RASSF1: variants seen among roughly 807,000 people sequenced by gnomAD.
The protein encoded by RASSF1 is Ras association domain family member 1.
Under a neutral mutation model 34.3 loss-of-function variants are expected in RASSF1, and 33 were observed. The observed-to-expected ratio is 0.96, with a 90% CI of 0.73 to 1.29. The LOEUF is 1.29. Ranked by LOEUF, RASSF1 falls within the 50% of genes most tolerant of loss-of-function variation. The pLI is 0.00. For missense variants in RASSF1, 445 were observed against 471.8 expected, an observed-to-expected ratio of 0.94 and a Z score of 0.53; for synonymous variants, 191 against 195.0, an observed-to-expected ratio of 0.98 and a Z score of 0.17.
rs587633156 is a variant in RASSF1, at chr3:50,332,417, C to T, written c.358-263G>A. ...ACTGAATGTAGCCTTAAGGATACCA[C>T]AGAAGCAGGGGCAACTGAAGGCACA... On this transcript the variant is annotated intron_variant, in intron 2 of 5. Transcript: ENST00000359365. Among the ~76,000 whole-genome samples the T allele has an allele frequency of 7.9e-5, 12 of 152,314 alleles. No individual in the cohort carries two copies. In the South Asian group the frequency reaches 8.3e-4, roughly 11 times the overall value.
In RASSF1 at chr3:50,330,692, G is replaced by C; in HGVS notation, c.912C>G (p.Phe304Leu). ...DAFSMPELHNFLRILQREEEE... is the reference protein window; with the variant it reads ...DAFSMPELHNLLRILQREEEE... ...CCTCCTCCCGCTGCAGGATACGTAG[G>C]AAGTTATGTAGTTCAGGCATGCTGA... is the stretch of plus-strand genomic sequence containing the variant. Residue 304 changes from phenylalanine (F) to leucine (L), a missense_variant, in exon 6 of 6, where the codon TTC becomes TTG. Physicochemically the swap from Phe to Leu is conservative, Grantham distance 22. Transcript: ENST00000359365. The surrounding 1 kb of genome is among the most constrained non-coding windows in gnomAD (Gnocchi z 4.5). 4.3e-6 allele frequency: 7 copies of C among 1,614,120 alleles called. No individual in the cohort carries two copies. Among genetic ancestry groups the C allele is most frequent in the Non-Finnish European group, 5.9e-6 (7 of 1,179,994 alleles).
At position 50,332,120 on chromosome 3, in the gene RASSF1, GA is replaced by G. The variant is rs1559841316; in HGVS notation, c.391del (p.Ser131LeufsTer22). On this transcript the variant is annotated frameshift_variant, in exon 3 of 6. Transcript: ENST00000359365. LOFTEE classifies it high-confidence loss of function. ...GATCTTCTGCTCAATCTCAGCTTGA[GA>G]AAGGTCAGGTGTCTCCCACTCCACA... Reference protein sequence around the residue: ...EPVEWETPDLSQAEIEQKIKE... With the variant: ...EPVEWETPDLXQAEIEQKIKE... 1 of 1,614,206 alleles carries G rather than the reference GA, an allele frequency of 6.2e-7. No homozygotes were observed. Among genetic ancestry groups the G allele is most frequent in the South Asian group, 1.1e-5 (1 of 91,088 alleles).
rs1417418222 is a variant in RASSF1, at chr3:50,331,672, AC to A, written c.646del (p.Val216CysfsTer64). 5.6e-6 allele frequency: 9 copies of A among 1,613,020 alleles called. No homozygotes were observed. Among genetic ancestry groups the A allele is most frequent in the Non-Finnish European group, 6.8e-6 (8 of 1,179,296 alleles). ...TTCACGTGCCCTTGTGCGTGACAGC[AC>A]ATGCAGGTGCTTGACAGCATCCTTG... is the stretch of plus-strand genomic sequence containing the variant. ...LPKDAVKHLH[V>X]LSRTRAREVI... On this transcript the variant is annotated frameshift_variant, in exon 4 of 6. Coordinates refer to ENST00000359365, the MANE Select transcript of RASSF1 (RefSeq NM_007182.5). LOFTEE classifies it high-confidence loss of function.
chr3:50,333,437 G>A (rs1703015099), intron 2 of RASSF1, among the ~76,000 whole-genome samples: 1 of 152,168 alleles, frequency 6.6e-6, no homozygotes, highest in Admixed American at 6.5e-5. Flanking sequence ...CTTCCTGGTG[G>A]GTTTCTGCAC....
rs1365080534 is a variant in RASSF1, at chr3:50,331,345, CAG to C, written c.863_864del (p.Ser288TrpfsTer12). ...ALSFVLKEND[S>X]GEVNWDAFSM... ...AACTATGTACTCACGTTCACCTCCC[CAG>C]AGTCATTTTCCTTCAGGACAAAGCT... On this transcript the variant is annotated frameshift_variant, in exon 5 of 6. Coordinates refer to ENST00000359365, the MANE Select transcript of RASSF1 (RefSeq NM_007182.5). LOFTEE classifies it high-confidence loss of function. 4 of 1,594,340 alleles carry C rather than the reference CAG, an allele frequency of 2.5e-6. No individual in the cohort carries two copies. Among genetic ancestry groups the C allele is most frequent in the Non-Finnish European group, 2.6e-6 (3 of 1,167,550 alleles).
At chr3:50,337,187 G>A (rs766335497) in intron 2 of RASSF1, 3 of 1,611,612 alleles carry the variant, frequency 1.9e-6, no homozygotes, top group South Asian at 2.2e-5. Flanking sequence ...TCCCGGCGCG[G>A]CCTGCGAGCT....
intron 2 of RASSF1, among the ~76,000 whole-genome samples, chr3:50,333,248 G>C (rs1703009788): frequency 6.6e-6 from 1 of 152,260 alleles, no homozygotes; most frequent in Non-Finnish European, 1.5e-5. Flanking sequence ...GGTGAGAGGA[G>C]TGGAGAGTGG....
Position 50,330,418 on chromosome 3 carries a change from G to T in RASSF1, c.*163C>A. On this transcript the variant is annotated 3_prime_UTR_variant, in exon 6 of 6. Coordinates refer to ENST00000359365, the MANE Select transcript of RASSF1 (RefSeq NM_007182.5). The surrounding 1 kb of genome is among the most constrained non-coding windows in gnomAD (Gnocchi z 4.5). ...GCCATACCTGGCTACACCCACAGGT[G>T]GACACAGGGAGCAAGCTACTTCGCT... The T allele has an allele frequency of 1.0e-6, 1 of 977,480 alleles. No individual in the cohort carries two copies. The highest frequency in any genetic ancestry group is 1.5e-6 in the Non-Finnish European group (1 of 669,432). The allele number at this position is 977,480 out of a possible 1,614,324, so 60.6% of individuals were successfully genotyped here.
chr3:50,332,816 T>C (rs979963664), intron 2 of RASSF1, among the ~76,000 whole-genome samples: 22 of 151,756 alleles, frequency 1.4e-4, no homozygotes, highest in African/African-American at 5.1e-4. Context: ...AAAAACAGGC[T>C]GGGCACGTTG....
rs1049065975 is a variant in RASSF1 at position 50,339,380 on chromosome 3, T to C, written c.250+1176A>G. On this transcript the variant is annotated intron_variant, in intron 1 of 5. Coordinates refer to ENST00000359365, the MANE Select transcript of RASSF1 (RefSeq NM_007182.5). ...TTGTTCTTTTTTTTTTTTTTTTTTTTTTTGAGACAGAGTCTCACTCTGTCG... is the reference window on the plus strand; with the variant it reads ...TTGTTCTTTTTTTTTTTTTTTTTTTCTTTGAGACAGAGTCTCACTCTGTCG... Among the ~76,000 whole-genome samples, 44 of 147,372 alleles carry C rather than the reference T, an allele frequency of 3.0e-4. No individual in the cohort carries two copies. The East Asian group carries it at 7.9e-3, about 26-fold the overall frequency.
chr3:50,340,768 A>G lies in RASSF1; in HGVS notation c.38T>C (p.Leu13Pro). ...CTTCCCAGCGCGCCCAGCGGGTGCCAGCTCCCGCAGCTCAATGAGCTCAGG... is the reference window on the plus strand; with the variant it reads ...CTTCCCAGCGCGCCCAGCGGGTGCCGGCTCCCGCAGCTCAATGAGCTCAGG... Reference protein sequence around the residue: ...GEPELIELRELAPAGRAGKGR... With the variant: ...GEPELIELREPAPAGRAGKGR... Residue 13 changes from leucine to proline, a missense_variant, in exon 1 of 6, where the codon CTG becomes CCG. By Grantham distance (98) the Leu-to-Pro change is moderately conservative. Transcript: ENST00000359365. The G allele has an allele frequency of 6.6e-7, 1 of 1,512,544 alleles. No individual in the cohort carries two copies. The highest frequency in any genetic ancestry group is 8.8e-7 in the Non-Finnish European group (1 of 1,140,288). The allele number at this position is 1,512,544 out of a possible 1,614,324, so 93.7% of individuals were successfully genotyped here.
intron 1 of RASSF1, 51 bp downstream of exon 1, chr3:50,340,505 G>C: frequency 7.1e-7 from 1 of 1,409,466 alleles, no homozygotes; most frequent in East Asian, 3.0e-5. Context: ...CGACTGCGCT[G>C]CCCCTTGGCT....
In RASSF1 at chr3:50,340,700, G is replaced by A; in HGVS notation, c.106C>T (p.Arg36Trp). 6.5e-7 allele frequency: 1 copy of A among 1,530,092 alleles called. No individual in the cohort carries two copies. The highest frequency in any genetic ancestry group is 8.7e-7 in the Non-Finnish European group (1 of 1,148,922). The allele number at this position is 1,530,092 out of a possible 1,614,324, so 94.8% of individuals were successfully genotyped here. ...LERANALRIA[R>W]GTACNPTRQL... ...CGTGTGGGGTTGCACGCGGTGCCCC[G>A]CGCGATGCGCAGCGCGTTGGCACGC... Residue 36 changes from arginine (R) to tryptophan (W), a missense_variant, in exon 1 of 6, where the codon CGG becomes TGG. Transcript: ENST00000359365.
intron 2 of RASSF1, 72 bp from the exon 3 acceptor site, chr3:50,332,226 G>T: frequency 7.3e-7 from 1 of 1,369,678 alleles, no homozygotes; most frequent in Non-Finnish European, 1.0e-6. Flanking sequence ...GGCCTCTGGG[G>T]CAGTCTTTGG....
rs1412260089 is a variant in RASSF1, at chr3:50,337,350, C to A, written c.357+555G>T. The A allele has an allele frequency of 2.5e-6, 4 of 1,605,036 alleles. No individual in the cohort carries two copies. In the Admixed American group the frequency reaches 6.7e-5, roughly 27 times the overall value. ...TACCCGCCCGTCCCCCAGTCCTGCG[C>A]GTCCGTAGCCGCCAACCACCGCCCC... On this transcript the variant is annotated intron_variant, in intron 2 of 5. Transcript: ENST00000359365.
At chr3:50,340,501 CGCTGCCCCTTG>C (rs1159940863) in intron 1 of RASSF1, 44 bp downstream of exon 1, 14 of 1,400,714 alleles carry the variant, frequency 1.0e-5, no homozygotes, top group South Asian at 1.5e-5. Flanking sequence ...GCGGCGACTG[CGCTGCCCCTTG>C]GCTGCCCCTT....
intron 2 of RASSF1, chr3:50,337,692 G>C (rs1703207772): frequency 1.2e-6 from 1 of 849,152 alleles, no homozygotes; most frequent in Non-Finnish European, 1.8e-6. Context: ...GGGTCAGCCT[G>C]GGCCCGGGTC....
intron 2 of RASSF1, among the ~76,000 whole-genome samples, chr3:50,334,994 G>A (rs1206479531): frequency 6.6e-6 from 1 of 152,046 alleles, no homozygotes; most frequent in East Asian, 1.9e-4. Flanking sequence ...CTGTTTTCCA[G>A]GCTGGAGTGC....
At position 50,331,664 on chromosome 3, in the gene RASSF1, GTGACAGCACATGCAGGTGCT is replaced by G; in HGVS notation, c.635_654del (p.Lys212ThrfsTer6). ...TCAATGACTTCACGTGCCCTTGTGC[GTGACAGCACATGCAGGTGCT>G]TGACAGCATCCTTGGGCAGGTAAAA... is the stretch of plus-strand genomic sequence containing the variant. On this transcript the variant is annotated frameshift_variant, in exon 4 of 6. Transcript: ENST00000359365. LOFTEE classifies it high-confidence loss of function. 1 of 1,612,940 alleles carries G rather than the reference GTGACAGCACATGCAGGTGCT, an allele frequency of 6.2e-7. No homozygotes were observed. The highest frequency in any genetic ancestry group is 8.5e-7 in the Non-Finnish European group (1 of 1,179,034).
Sources: allele counts gnomAD v4.1 joint callset (sites outside exome capture counted in the v4.1 genomes callset), GRCh38; gene constraint gnomAD v4.1.1; non-coding constraint Gnocchi (gnomAD v3.1); transcripts MANE v1.5; gene names NCBI Gene and HGNC (gene_info 2026-07-23, HGNC 2026-07-21).